AFG2A: variants seen among roughly 807,000 people sequenced by gnomAD.
AFG2A encodes ATPase family gene 2 protein homolog A.
chr4:123,029,669 A>G, the AFG2A span, among the ~76,000 whole-genome samples: 1 of 152,034 alleles, frequency 6.6e-6, no homozygotes, highest in African/African-American at 2.4e-5. Flanking sequence ...ACATGGTCTC[A>G]CTCTGTGGCC....
the AFG2A span, among the ~76,000 whole-genome samples, chr4:122,951,763 G>A: frequency 1.3e-5 from 2 of 152,166 alleles, no homozygotes; most frequent in Non-Finnish European, 2.9e-5. Flanking sequence ...GGCTATGCCT[G>A]CTCAAGTGCA....
At chr4:123,212,691 GT>G in the AFG2A span, among the ~76,000 whole-genome samples, 2 of 152,130 alleles carry the variant, frequency 1.3e-5, no homozygotes, top group Non-Finnish European at 2.9e-5. Flanking sequence ...GAGATCATCT[GT>G]ATTACAGGGA....
At chr4:123,068,876 C>G in the AFG2A span, among the ~76,000 whole-genome samples, 1 of 152,130 alleles carries the variant, frequency 6.6e-6, no homozygotes, top group Non-Finnish European at 1.5e-5. Context: ...AACTGAGACT[C>G]TTACATAATT....
the AFG2A span, among the ~76,000 whole-genome samples, chr4:123,259,412 G>T: frequency 6.6e-6 from 1 of 152,136 alleles, no homozygotes; most frequent in African/African-American, 2.4e-5. Context: ...GCTGGAAGGG[G>T]AATACAGCCG....
chr4:123,093,193 A>G, the AFG2A span, among the ~76,000 whole-genome samples: 4 of 152,130 alleles, frequency 2.6e-5, no homozygotes, highest in South Asian at 4.1e-4. Flanking sequence ...TTAGACAGCA[A>G]TCTTTTATTG....
chr4:123,146,411 G>A, the AFG2A span, among the ~76,000 whole-genome samples: 1 of 152,152 alleles, frequency 6.6e-6, no homozygotes, highest in Non-Finnish European at 1.5e-5. Context: ...AAAACTCCAG[G>A]TAATATTAGT....
At chr4:122,930,943 ATGTTTTAAATGTGGCAGCAG>A in the AFG2A span, among the ~76,000 whole-genome samples, 15 of 45,726 alleles carry the variant, frequency 3.3e-4, no homozygotes, top group Non-Finnish European at 1.2e-3. Flanking sequence ...AAAAAATCTT[ATGTTTTAAATGTGGCAGCAG>A]AGTATAGACA....
the AFG2A span, among the ~76,000 whole-genome samples, chr4:123,137,683 G>C: frequency 6.6e-6 from 1 of 152,074 alleles, no homozygotes; most frequent in African/African-American, 2.4e-5. Flanking sequence ...ATACCATTTA[G>C]TATAAATTTC....
the AFG2A span, among the ~76,000 whole-genome samples, chr4:122,992,223 AT>A: frequency 1.3e-5 from 2 of 152,002 alleles, no homozygotes; most frequent in African/African-American, 2.4e-5. Context: ...CTAATGAAAG[AT>A]TTTTTTTCTT....
the AFG2A span, among the ~76,000 whole-genome samples, chr4:123,152,630 A>C: frequency 2.0e-5 from 3 of 152,312 alleles, no homozygotes; most frequent in South Asian, 6.2e-4. Flanking sequence ...AAGGATGTGG[A>C]GCATCAAGAA....
the AFG2A span, among the ~76,000 whole-genome samples, chr4:123,086,606 C>A: frequency 0.016 from 2,391 of 152,144 alleles, 33 homozygotes; most frequent in Non-Finnish European, 0.025. Context: ...AATATTGGTT[C>A]TCTTCTTTCT....
the AFG2A span, among the ~76,000 whole-genome samples, chr4:123,059,401 G>A: frequency 6.7e-6 from 1 of 148,820 alleles, no homozygotes; most frequent in Non-Finnish European, 1.5e-5. Flanking sequence ...AGAATATGCA[G>A]TGTTTGGTTT....
At chr4:123,301,340 A>G in the AFG2A span, among the ~76,000 whole-genome samples, 3 of 152,186 alleles carry the variant, frequency 2.0e-5, no homozygotes, top group Non-Finnish European at 4.4e-5. Flanking sequence ...AAATTAAAAC[A>G]AAATAATATA....
the AFG2A span, among the ~76,000 whole-genome samples, chr4:123,096,069 A>G: frequency 2.6e-5 from 4 of 152,054 alleles, no homozygotes; most frequent in Non-Finnish European, 5.9e-5. Flanking sequence ...GAACTGCGTT[A>G]TTTTACTCCT....
the AFG2A span, among the ~76,000 whole-genome samples, chr4:123,128,550 G>T: frequency 3.3e-5 from 5 of 152,112 alleles, no homozygotes; most frequent in Non-Finnish European, 2.9e-5. Context: ...TAAAGTTAGA[G>T]TTGGAGTTTT....
At chr4:123,137,680 T>G in the AFG2A span, among the ~76,000 whole-genome samples, 1 of 152,234 alleles carries the variant, frequency 6.6e-6, no homozygotes, top group East Asian at 1.9e-4. Flanking sequence ...TTTATACCAT[T>G]TAGTATAAAT....
the AFG2A span, among the ~76,000 whole-genome samples, chr4:123,271,733 T>C: frequency 6.6e-6 from 1 of 152,214 alleles, no homozygotes; most frequent in South Asian, 2.1e-4. Flanking sequence ...TGAGACCCAT[T>C]GTTCACGTGA....
At chr4:123,220,481 G>GTGCAC in the AFG2A span, among the ~76,000 whole-genome samples, 1 of 151,604 alleles carries the variant, frequency 6.6e-6, no homozygotes, top group Admixed American at 6.6e-5. Context: ...GGGTGTGGTG[G>GTGCAC]TGCACGCCTG....
chr4:123,034,724 G>C, the AFG2A span, among the ~76,000 whole-genome samples: 1 of 152,082 alleles, frequency 6.6e-6, no homozygotes, highest in East Asian at 1.9e-4. Flanking sequence ...AGTGTACATG[G>C]GTGGGTGGGC....
Sources: allele counts gnomAD v4.1 joint callset (sites outside exome capture counted in the v4.1 genomes callset), GRCh38; gene constraint gnomAD v4.1.1; transcripts MANE v1.5; gene names NCBI Gene and HGNC (gene_info 2026-07-23, HGNC 2026-07-21).